RBPJ: variants seen among roughly 807,000 people sequenced by gnomAD.
The protein encoded by RBPJ is recombination signal binding protein for immunoglobulin kappa J region.
In RBPJ, 9 loss-of-function variants were observed where a neutral mutation model predicts 67.8. The observed-to-expected ratio is 0.13, with a 90% confidence interval of 0.08 to 0.23. RBPJ has a LOEUF of 0.23. Among genes scored for constraint, RBPJ ranks in the 10% least tolerant of loss-of-function variants. The pLI, the probability that RBPJ is intolerant of heterozygous loss-of-function variation, is 1.00. For synonymous variants in RBPJ, 198 were observed against 203.3 expected, an observed-to-expected ratio of 0.97 and a Z score of 0.22; for missense variants, 305 against 595.6, an observed-to-expected ratio of 0.51 and a Z score of 5.08.
intron 1 of RBPJ, among the ~76,000 whole-genome samples, chr4:26,195,524 C>G (rs1451227750): frequency 3.9e-5 from 6 of 152,166 alleles, no homozygotes; most frequent in Non-Finnish European, 8.8e-5. Context: ...TTACTTCTCC[C>G]CTTTCTCAGA....
At chr4:26,320,791 C>A, upstream of RBPJ, 1 of 1,555,848 alleles carries the variant, frequency 6.4e-7, no homozygotes, top group Non-Finnish European at 8.7e-7. Flanking sequence ...GCGGAGGAGC[C>A]GCCTGCGCAT....
intron 1 of RBPJ, among the ~76,000 whole-genome samples, chr4:26,305,929 G>C (rs1234195184): frequency 6.6e-6 from 1 of 151,502 alleles, no homozygotes; most frequent in East Asian, 1.9e-4. Context: ...ACAGGCGTGT[G>C]CCACTGCCCT....
chr4:26,314,595 C>A (rs965288050), intron 1 of RBPJ, among the ~76,000 whole-genome samples: 2 of 152,014 alleles, frequency 1.3e-5, no homozygotes, highest in Non-Finnish European at 2.9e-5. Context: ...TATGTGGCAC[C>A]TCCCTTCCCC....
At chr4:26,359,471 G>T (rs1727790768) in intron 1 of RBPJ, among the ~76,000 whole-genome samples, 1 of 140,704 alleles carries the variant, frequency 7.1e-6, no homozygotes, top group Admixed American at 7.4e-5. Context: ...GCGGCTGTGT[G>T]TCCAGTATGT....
At chr4:26,114,407 A>T in the RBPJ span, among the ~76,000 whole-genome samples, 1 of 151,142 alleles carries the variant, frequency 6.6e-6, no homozygotes, top group African/African-American at 2.4e-5. Flanking sequence ...CAGTGAGCCA[A>T]GATCGCACCA....
At chr4:26,201,248 C>T (rs1387208842) in intron 1 of RBPJ, among the ~76,000 whole-genome samples, 5 of 152,162 alleles carry the variant, frequency 3.3e-5, no homozygotes, top group Non-Finnish European at 7.3e-5. Flanking sequence ...GATCTGTCCT[C>T]CTGGTTTTAA....
chr4:26,143,396 C>T, the RBPJ span, among the ~76,000 whole-genome samples: 2 of 152,208 alleles, frequency 1.3e-5, no homozygotes, highest in Non-Finnish European at 2.9e-5. Flanking sequence ...GCGTAAAAGC[C>T]AAAGTTCCTC....
chr4:26,433,595 C>T lies in RBPJ; in HGVS notation c.*2588C>T, dbSNP rs1454425234. The T allele has an allele frequency of 6.6e-6, 1 of 152,038 alleles. No individual in the cohort carries two copies. Among genetic ancestry groups the T allele is most frequent in the Non-Finnish European group, 1.5e-5 (1 of 67,992 alleles). The allele number at this position is 152,038 out of a possible 1,614,324, so 9.4% of individuals were successfully genotyped here. A position where few individuals can be genotyped will look rare whatever the true frequency, so the allele number is the denominator to read the frequency against. On this transcript the variant is annotated 3_prime_UTR_variant, in exon 11 of 11. Transcript: ENST00000355476. ...TAATTGAAATATTATACTGTAAACCCTTTTCTTTTCTTTTTTTGAAAAGTC... is the reference window on the plus strand; with the variant it reads ...TAATTGAAATATTATACTGTAAACCTTTTTCTTTTCTTTTTTTGAAAAGTC...
upstream of RBPJ, among the ~76,000 whole-genome samples, chr4:26,161,479 A>C (rs1000616962): frequency 1.3e-5 from 2 of 152,190 alleles, no homozygotes; most frequent in African/African-American, 4.8e-5. Flanking sequence ...TGTACCCAGA[A>C]TCATACCACA....
chr4:26,377,995 C>A (rs1481367373), intron 1 of RBPJ, among the ~76,000 whole-genome samples: 6 of 151,862 alleles, frequency 4.0e-5, no homozygotes, highest in Non-Finnish European at 1.5e-5. Flanking sequence ...GTATACACTG[C>A]GGAAGGGGAG....
chr4:26,202,830 A>G (rs932310063), intron 1 of RBPJ, among the ~76,000 whole-genome samples: 13 of 151,736 alleles, frequency 8.6e-5, no homozygotes, highest in African/African-American at 3.1e-4. Flanking sequence ...AATCGCTTGA[A>G]CCCAGGAGGT....
intron 1 of RBPJ, among the ~76,000 whole-genome samples, chr4:26,168,267 G>T (rs1359056041): frequency 1.3e-5 from 2 of 151,980 alleles, no homozygotes; most frequent in Non-Finnish European, 2.9e-5. Context: ...GGGCAGGCCT[G>T]GTGGTGACAA....
chr4:26,390,553 A>G (rs1272823630), intron 2 of RBPJ, among the ~76,000 whole-genome samples: 2 of 152,234 alleles, frequency 1.3e-5, no homozygotes, highest in African/African-American at 4.8e-5. Flanking sequence ...AGGATACATG[A>G]TTAACATACA....
At chr4:26,385,800 ATTTT>A (rs902514585) in intron 1 of RBPJ, among the ~76,000 whole-genome samples, 1 of 146,774 alleles carries the variant, frequency 6.8e-6, no homozygotes, top group African/African-American at 2.5e-5. Flanking sequence ...TTATTTATTT[ATTTT>A]TTTATTTTAT....
At chr4:26,387,684 C>T (rs1385356213) in intron 2 of RBPJ, among the ~76,000 whole-genome samples, 1 of 152,278 alleles carries the variant, frequency 6.6e-6, no homozygotes, top group East Asian at 1.9e-4. Flanking sequence ...TTTCAGTCTT[C>T]AGCTGCATAT....
At chr4:26,191,151 C>CAAAAAA (rs1186422694) in intron 1 of RBPJ, among the ~76,000 whole-genome samples, 2 of 10,516 alleles carry the variant, frequency 1.9e-4, no homozygotes, top group Non-Finnish European at 3.0e-4. Context: ...GACCCTGTCT[C>CAAAAAA]AAAAAAAAAA....
At chr4:26,423,756 AT>A (rs1735370594) in intron 5 of RBPJ, among the ~76,000 whole-genome samples, 2 of 152,250 alleles carry the variant, frequency 1.3e-5, no homozygotes, top group South Asian at 4.1e-4. Flanking sequence ...AAGAAATTTC[AT>A]ACAATACTTT....
chr4:26,277,160 A>G (rs1721112465), intron 1 of RBPJ, among the ~76,000 whole-genome samples: 1 of 151,810 alleles, frequency 6.6e-6, no homozygotes, highest in South Asian at 2.1e-4. Context: ...GCTGGTATGA[A>G]GACTTAGAAG....
At chr4:26,218,246 C>T (rs749310179) in intron 1 of RBPJ, among the ~76,000 whole-genome samples, 6 of 152,324 alleles carry the variant, frequency 3.9e-5, no homozygotes, top group Middle Eastern at 6.8e-3. Context: ...CAAACACAGA[C>T]TCTCTGTTGT....
Sources: gnomAD v4.1 joint callset for allele counts (sites outside exome capture counted in the v4.1 genomes callset) on GRCh38, gnomAD v4.1.1 for gene constraint, MANE v1.5 for transcripts, NCBI Gene and HGNC (gene_info 2026-07-23, HGNC 2026-07-21) for gene names.